Variants in PCSK6 observed in about 807,000 individuals in gnomAD.
The protein encoded by PCSK6 is proprotein convertase subtilisin/kexin type 6, also known as paired basic amino acid cleaving enzyme 4.
PCSK6 carries 85 observed loss-of-function variants against 123.3 expected under a neutral mutation model. The observed-to-expected ratio is 0.69, with a 90% confidence interval of 0.58 to 0.83. PCSK6 has a LOEUF of 0.83. Ranked by LOEUF, PCSK6 falls within the 40% of genes least tolerant of loss-of-function variation. The pLI is 0.00. For missense variants in PCSK6, 1,191 were observed against 1,282.3 expected (o/e 0.93, Z 1.09); for synonymous variants, 508 against 516.0 (o/e 0.98, Z 0.21).
intron 6 of PCSK6, among the ~76,000 whole-genome samples, chr15:101,425,061 CA>C (rs1444603218): frequency 6.6e-6 from 1 of 152,170 alleles, no homozygotes; most frequent in African/African-American, 2.4e-5. Flanking sequence ...GGTGGCAGAG[CA>C]GGCACCCCAT....
chr15:101,391,827 C>T (rs576899322), intron 8 of PCSK6, among the ~76,000 whole-genome samples: 5 of 152,272 alleles, frequency 3.3e-5, no homozygotes, highest in South Asian at 4.1e-4. Flanking sequence ...GCAGACTTCC[C>T]GGGCAGTGAC....
intron 1 of PCSK6, among the ~76,000 whole-genome samples, chr15:101,472,541 G>T (rs1006009117): frequency 6.6e-6 from 1 of 152,208 alleles, no homozygotes; most frequent in Non-Finnish European, 1.5e-5. Flanking sequence ...GCACAAACAG[G>T]TTCCCTCAAC....
chr15:101,310,119 G>A (rs920145832), intron 20 of PCSK6, among the ~76,000 whole-genome samples: 2 of 152,206 alleles, frequency 1.3e-5, no homozygotes, highest in Admixed American at 6.5e-5. Context: ...GTCCAAGTGG[G>A]GAGAGACCCC....
chr15:101,347,832 G>T, intron 13 of PCSK6: 1 of 1,414,730 alleles, frequency 7.1e-7, no homozygotes, highest in Non-Finnish European at 1.0e-6. Context: ...ATTGGGAGGT[G>T]CAATCCCAGG....
chr15:101,478,480 T>C (rs1180633162), intron 1 of PCSK6, among the ~76,000 whole-genome samples: 1 of 152,188 alleles, frequency 6.6e-6, no homozygotes, highest in Non-Finnish European at 1.5e-5. Flanking sequence ...GACACACCCA[T>C]GCCTCCTGTC....
At chr15:101,369,252 G>A (rs2041501049) in intron 12 of PCSK6, among the ~76,000 whole-genome samples, 1 of 152,254 alleles carries the variant, frequency 6.6e-6, no homozygotes, top group South Asian at 2.1e-4. Flanking sequence ...ACCTTGCATT[G>A]CTGCTGAGTC....
At chr15:101,421,848 C>T (rs537942610) in intron 6 of PCSK6, among the ~76,000 whole-genome samples, 1 of 152,270 alleles carries the variant, frequency 6.6e-6, no homozygotes, top group African/African-American at 2.4e-5. Context: ...CAATAGATAA[C>T]TAATACACAA....
Position 101,315,908 on chromosome 15 carries a change from C to T in PCSK6, c.2570-2403G>A, listed in dbSNP as rs191390516. ...AGGAGGATGAGAGGCTCATCTCGAT[C>T]GAGTTGCCTGCCAAGTGCACTGGGG... On this transcript the variant is annotated intron_variant, in intron 19 of 21. Transcript: ENST00000611716. Among the ~76,000 whole-genome samples, 66 of 152,346 alleles carry T rather than the reference C, an allele frequency of 4.3e-4. 1 individual carries two copies. The East Asian group carries it at 9.1e-3, about 21-fold the overall frequency.
chr15:101,483,244 G>T (rs1043593715), intron 1 of PCSK6, among the ~76,000 whole-genome samples: 1 of 152,158 alleles, frequency 6.6e-6, no homozygotes, highest in Non-Finnish European at 1.5e-5. Flanking sequence ...ACAAGTTCTG[G>T]CCCATCATTT....
intron 6 of PCSK6, among the ~76,000 whole-genome samples, chr15:101,409,442 G>A (rs901605118): frequency 1.3e-5 from 2 of 152,110 alleles, no homozygotes; most frequent in Non-Finnish European, 2.9e-5. Context: ...AAAATTAGCC[G>A]GGCGCGGTGG....
chr15:101,391,649 G>T (rs565964928), intron 8 of PCSK6, among the ~76,000 whole-genome samples: 5 of 152,360 alleles, frequency 3.3e-5, no homozygotes, highest in African/African-American at 1.2e-4. Flanking sequence ...GAGGGACAGA[G>T]AATGCAGGCG....
At chr15:101,353,416 T>C (rs1227008083) in intron 13 of PCSK6, among the ~76,000 whole-genome samples, 1 of 152,098 alleles carries the variant, frequency 6.6e-6, no homozygotes, top group Non-Finnish European at 1.5e-5. Flanking sequence ...CCTCCTGCTG[T>C]GTAGTCTAGT....
chr15:101,416,508 A>G (rs2055892286), intron 6 of PCSK6, among the ~76,000 whole-genome samples: 1 of 152,274 alleles, frequency 6.6e-6, no homozygotes, highest in African/African-American at 2.4e-5. Context: ...CCGGCTGCAG[A>G]AATCTGCATA....
chr15:101,435,145 G>A (rs73483105), intron 2 of PCSK6, among the ~76,000 whole-genome samples: 13,810 of 152,030 alleles, frequency 0.091, 2,003 homozygotes, highest in African/African-American at 0.31. Context: ...GGTGAAACCA[G>A]GAGCCACCTG....
At chr15:101,417,093 T>C (rs1293035144) in intron 6 of PCSK6, among the ~76,000 whole-genome samples, 2 of 152,184 alleles carry the variant, frequency 1.3e-5, no homozygotes, top group Non-Finnish European at 2.9e-5. Context: ...AAAGCTACTA[T>C]ATTATATTAT....
At chr15:101,411,817 C>A (rs1412105338) in intron 6 of PCSK6, among the ~76,000 whole-genome samples, 3 of 152,188 alleles carry the variant, frequency 2.0e-5, no homozygotes, top group African/African-American at 7.2e-5. Context: ...CAGGAAACAG[C>A]AGGTAGGAAG....
chr15:101,435,126 C>T (rs1006490573), intron 2 of PCSK6, among the ~76,000 whole-genome samples: 1 of 152,120 alleles, frequency 6.6e-6, no homozygotes, highest in South Asian at 2.1e-4. Context: ...GCCTTCAATG[C>T]CCCCTCGGGG....
chr15:101,486,137 T>C (rs1293768950), intron 1 of PCSK6, among the ~76,000 whole-genome samples: 1 of 152,010 alleles, frequency 6.6e-6, no homozygotes, highest in Non-Finnish European at 1.5e-5. Flanking sequence ...CTAATTTTTG[T>C]ATTTTTAGTA....
chr15:101,318,229 C>T, intron 19 of PCSK6, 90 bp downstream of exon 19: 1 of 910,602 alleles, frequency 1.1e-6, no homozygotes, highest in Non-Finnish European at 1.7e-6. Flanking sequence ...ATGCAGAAGC[C>T]CACGAAGTCC....
Sources: allele counts gnomAD v4.1 joint callset (sites outside exome capture counted in the v4.1 genomes callset), GRCh38; gene constraint gnomAD v4.1.1; transcripts MANE v1.5; gene names NCBI Gene and HGNC (gene_info 2026-07-23, HGNC 2026-07-21).